Variants in C12orf42 observed in about 807,000 individuals in gnomAD.
The protein encoded by C12orf42 is uncharacterized protein C12orf42.
In C12orf42, 25 loss-of-function variants were observed where a neutral mutation model predicts 21.6. That is an observed-to-expected ratio of 1.16 (90% confidence interval 0.84 to 1.62). The LOEUF (loss-of-function observed/expected upper bound fraction) is 1.62, where lower values mean the gene tolerates loss of function less well. Ranked by LOEUF, C12orf42 falls within the 40% of genes most tolerant of loss-of-function variation. The pLI is 0.00. For missense variants in C12orf42, 483 were observed against 459.3 expected (o/e 1.05, Z -0.47); for synonymous variants, 174 against 175.0 (o/e 0.99, Z 0.05).
chr12:103,273,596 C>T (rs2035589659), intron 5 of C12orf42, among the ~76,000 whole-genome samples: 1 of 152,082 alleles, frequency 6.6e-6, no homozygotes, highest in African/African-American at 2.4e-5. Context: ...AGTCAGGACT[C>T]TGAAATTTCT....
intron 2 of C12orf42, 121 bp downstream of exon 2, chr12:103,478,219 TGGAAACTAA>T: frequency 1.6e-6 from 1 of 611,808 alleles, no homozygotes; most frequent in East Asian, 3.1e-5. Flanking sequence ...TGGATAAATA[TGGAAACTAA>T]GAGGATTATC....
At chr12:103,358,885 A>G (rs1593597027) in intron 4 of C12orf42, among the ~76,000 whole-genome samples, 1 of 152,110 alleles carries the variant, frequency 6.6e-6, no homozygotes, top group African/African-American at 2.4e-5. Context: ...GTAAATAAGA[A>G]GTGGTACAGC....
the C12orf42 span, among the ~76,000 whole-genome samples, chr12:103,146,528 GAAA>G: frequency 1.1e-4 from 12 of 112,718 alleles, no homozygotes; most frequent in Non-Finnish European, 1.9e-4. Context: ...AAGAAAGAAA[GAAA>G]AGAAAGAAAG....
At chr12:103,281,908 AG>A (rs2036143986) in intron 4 of C12orf42, among the ~76,000 whole-genome samples, 1 of 121,428 alleles carries the variant, frequency 8.2e-6, no homozygotes, top group Non-Finnish European at 1.7e-5. Context: ...AAAGAAAAGA[AG>A]AAAGAAAAAG....
intron 2 of C12orf42, among the ~76,000 whole-genome samples, chr12:103,405,064 T>C (rs1593849507): frequency 1.3e-5 from 2 of 152,330 alleles, no homozygotes; most frequent in South Asian, 4.1e-4. Context: ...AGATGAGTGT[T>C]TGACCACAGC....
chr12:103,429,858 A>G (rs923749773), intron 2 of C12orf42, among the ~76,000 whole-genome samples: 2 of 152,182 alleles, frequency 1.3e-5, no homozygotes, highest in African/African-American at 4.8e-5. Context: ...TGACACAAAC[A>G]AGCAATAGGG....
chr12:103,120,561 T>C, the C12orf42 span, among the ~76,000 whole-genome samples: 1 of 152,072 alleles, frequency 6.6e-6, no homozygotes, highest in Admixed American at 6.6e-5. Flanking sequence ...TTGCTTGACT[T>C]AAGGAACATA....
intron 3 of C12orf42, among the ~76,000 whole-genome samples, chr12:103,388,729 G>T (rs1334953022): frequency 6.6e-6 from 1 of 152,192 alleles, no homozygotes; most frequent in Admixed American, 6.5e-5. Flanking sequence ...CAACATGAAT[G>T]ATTATTGTAT....
At chr12:103,439,799 C>T (rs1406441325) in intron 2 of C12orf42, among the ~76,000 whole-genome samples, 3 of 150,812 alleles carry the variant, frequency 2.0e-5, no homozygotes, top group African/African-American at 4.8e-5. Context: ...AACACTTTTA[C>T]ACTGTTGGTG....
At chr12:103,317,460 G>A (rs1201349924) in intron 4 of C12orf42, among the ~76,000 whole-genome samples, 1 of 152,144 alleles carries the variant, frequency 6.6e-6, no homozygotes, top group African/African-American at 2.4e-5. Flanking sequence ...CTCCAGCCCA[G>A]GACACAGATT....
chr12:103,300,489 G>C (rs1436063636), downstream of C12orf42, among the ~76,000 whole-genome samples: 1 of 152,040 alleles, frequency 6.6e-6, no homozygotes, highest in Non-Finnish European at 1.5e-5. Context: ...TTCTGAACAG[G>C]ATCTCTCCTT....
At chr12:103,135,830 A>G in the C12orf42 span, among the ~76,000 whole-genome samples, 4,821 of 152,336 alleles carry the variant, frequency 0.032, 265 homozygotes, top group African/African-American at 0.11. Flanking sequence ...CAACAGACAC[A>G]GTAAGACCAT....
At chr12:103,562,373 G>C in the C12orf42 span, among the ~76,000 whole-genome samples, 1 of 152,142 alleles carries the variant, frequency 6.6e-6, no homozygotes, top group Admixed American at 6.5e-5. Flanking sequence ...CTGTATACCT[G>C]CCATTGTGTT....
In C12orf42 at chr12:103,302,579, A is replaced by G; in HGVS notation, c.632-20T>C. On this transcript the variant is annotated intron_variant, in intron 5 of 5. Coordinates refer to ENST00000548883, the MANE Select transcript of C12orf42 (RefSeq NM_198521.5). ...CAGAACCTGGAAGGCAAAGCAGGAA[A>G]GCAGGACAGAGATGAGGCTCAAGCG... The G allele has an allele frequency of 6.3e-7, 1 of 1,589,264 alleles. No individual in the cohort carries two copies. Among genetic ancestry groups the G allele is most frequent in the Non-Finnish European group, 8.5e-7 (1 of 1,170,746 alleles).
chr12:103,158,844 C>A, the C12orf42 span, among the ~76,000 whole-genome samples: 6 of 147,232 alleles, frequency 4.1e-5, no homozygotes, highest in African/African-American at 1.3e-4. Context: ...CGTGCCACTG[C>A]ACTCCAGCCT....
At chr12:103,253,845 T>C (rs1320148344) in intron 10 of C12orf42, among the ~76,000 whole-genome samples, 1 of 152,064 alleles carries the variant, frequency 6.6e-6, no homozygotes, top group Non-Finnish European at 1.5e-5. Context: ...TCTTGTAAAT[T>C]TGTTTAAGTT....
At chr12:103,304,326 A>AT (rs142957514) in intron 5 of C12orf42, among the ~76,000 whole-genome samples, 5,872 of 152,246 alleles carry the variant, frequency 0.039, 374 homozygotes, top group African/African-American at 0.13. Flanking sequence ...TATGCAGGCA[A>AT]TAAAAAGTAG....
chr12:103,110,872 C>A, the C12orf42 span, among the ~76,000 whole-genome samples: 2 of 152,178 alleles, frequency 1.3e-5, no homozygotes, highest in African/African-American at 4.8e-5. Flanking sequence ...AATTGTTAGT[C>A]ATCTATAGTA....
At chr12:103,368,168 G>A (rs1008026438) in intron 4 of C12orf42, 3 of 655,182 alleles carry the variant, frequency 4.6e-6, no homozygotes, top group African/African-American at 1.9e-5. Context: ...ACAATGTTAT[G>A]GGGAATATAA....
Sources: allele counts gnomAD v4.1 joint callset (sites outside exome capture counted in the v4.1 genomes callset), GRCh38; gene constraint gnomAD v4.1.1; transcripts MANE v1.5; gene names NCBI Gene and HGNC (gene_info 2026-07-23, HGNC 2026-07-21).